The following CFAP58 variants were observed in gnomAD, a reference collection of about 807,000 sequenced individuals.
The protein encoded by CFAP58 is cilia- and flagella-associated protein 58.
A neutral mutation model predicts 119.5 loss-of-function variants in CFAP58; 88 were observed. That is an observed-to-expected ratio of 0.74 (90% CI 0.62 to 0.88). The LOEUF (loss-of-function observed/expected upper bound fraction) is 0.88, where lower values mean the gene tolerates loss of function less well. Ranked by LOEUF, CFAP58 falls within the 40% of genes least tolerant of loss-of-function variation. The pLI, the probability that CFAP58 is intolerant of heterozygous loss-of-function variation, is 0.00. For missense variants in CFAP58, 990 were observed against 1,021.2 expected, an observed-to-expected ratio of 0.97 and a Z score of 0.42; for synonymous variants, 365 against 366.3, an observed-to-expected ratio of 1.00 and a Z score of 0.04.
At chr10:104,375,357 C>A (rs2014878051) in intron 7 of CFAP58, among the ~76,000 whole-genome samples, 1 of 151,908 alleles carries the variant, frequency 6.6e-6, no homozygotes, top group African/African-American at 2.4e-5. Flanking sequence ...TTTTTCACTT[C>A]CGTTTATCTG....
intron 15 of CFAP58, among the ~76,000 whole-genome samples, chr10:104,436,190 G>T (rs552731622): frequency 6.6e-6 from 1 of 152,190 alleles, no homozygotes; most frequent in East Asian, 1.9e-4. Context: ...CTGCACATAT[G>T]TACATTTTAA....
In CFAP58 at chr10:104,454,524, G is replaced by A. The variant is rs370337063; in HGVS notation, c.2613G>A (p.Thr871=). 1.1e-5 allele frequency: 17 copies of A among 1,611,244 alleles called. No homozygotes were observed. Among genetic ancestry groups the A allele is most frequent in the South Asian group, 4.4e-5 (4 of 91,004 alleles). Residue 871 remains threonine (T), a synonymous_variant, in exon 18 of 18, where the codon ACG becomes ACA. Coordinates refer to ENST00000369704, the MANE Select transcript of CFAP58 (RefSeq NM_001008723.2). ...TTCCTCTCAGGTCAACCAAAATGAC[G>A]TTCTAACCTGAAGCTGCTGGCTGTT... ...GGFPLRSTKM[T]F is the part of the protein sequence containing the mutation.
chr10:104,374,453 G>GAAA (rs71022730), intron 7 of CFAP58, among the ~76,000 whole-genome samples: 4 of 30,694 alleles, frequency 1.3e-4, no homozygotes, highest in African/African-American at 2.3e-4. Flanking sequence ...CTTGTTTCAG[G>GAAA]AAAAAAAAAA....
chr10:104,347,106 C>T, the CFAP58 span, among the ~76,000 whole-genome samples: 1 of 152,128 alleles, frequency 6.6e-6, no homozygotes, highest in South Asian at 2.1e-4. Flanking sequence ...AAGAGAGCAG[C>T]TGCTTTTAAG....
At chr10:104,392,517 A>G in intron 10 of CFAP58, 123 bp downstream of exon 10, 2 of 644,014 alleles carry the variant, frequency 3.1e-6, no homozygotes, top group South Asian at 3.2e-5. Flanking sequence ...AATTCACCTG[A>G]AAAGATCAAT....
intron 15 of CFAP58, among the ~76,000 whole-genome samples, chr10:104,428,160 C>T (rs776257753): frequency 8.5e-5 from 13 of 152,112 alleles, no homozygotes; most frequent in African/African-American, 2.9e-4. Flanking sequence ...TGGTATCACA[C>T]AGGCCAAGGG....
At chr10:104,448,413 T>C (rs910915610) in intron 16 of CFAP58, among the ~76,000 whole-genome samples, 1 of 152,240 alleles carries the variant, frequency 6.6e-6, no homozygotes, top group Non-Finnish European at 1.5e-5. Flanking sequence ...TGTTTTACTT[T>C]TCTATGTGCC....
intron 1 of CFAP58, 132 bp downstream of exon 1, chr10:104,354,038 C>T (rs1009884284): frequency 4.4e-6 from 5 of 1,130,872 alleles, no homozygotes; most frequent in East Asian, 2.5e-5. Flanking sequence ...CACCCTCACT[C>T]ACTCCCGCGC....
At chr10:104,441,343 CATAGAGTTATTGCTAAATAA>C (rs1280070201) in intron 15 of CFAP58, among the ~76,000 whole-genome samples, 1 of 152,240 alleles carries the variant, frequency 6.6e-6, no homozygotes, top group East Asian at 1.9e-4. Flanking sequence ...CAGTCACACA[CATAGAGTTATTGCTAAATAA>C]ATACTTAGTT....
At chr10:104,348,565 C>G in the CFAP58 span, among the ~76,000 whole-genome samples, 2 of 152,160 alleles carry the variant, frequency 1.3e-5, no homozygotes, top group Non-Finnish European at 2.9e-5. Flanking sequence ...GGAGGCACTT[C>G]TCTTCTATCC....
chr10:104,452,687 AC>A (rs2013214344), intron 17 of CFAP58, among the ~76,000 whole-genome samples: 2 of 152,240 alleles, frequency 1.3e-5, no homozygotes, highest in Non-Finnish European at 2.9e-5. Context: ...CCTCAGTCTC[AC>A]TAGTCACATT....
At chr10:104,354,670 C>G (rs1042817573) in intron 1 of CFAP58, among the ~76,000 whole-genome samples, 1 of 152,162 alleles carries the variant, frequency 6.6e-6, no homozygotes, top group South Asian at 2.1e-4. Flanking sequence ...CCCCCATCAC[C>G]CATCCCACGG....
At chr10:104,415,934 C>T (rs532208647) in intron 15 of CFAP58, among the ~76,000 whole-genome samples, 1 of 152,300 alleles carries the variant, frequency 6.6e-6, no homozygotes, top group South Asian at 2.1e-4. Flanking sequence ...TGAGTGCTTA[C>T]TGTATGCTAG....
Position 104,365,950 on chromosome 10 carries a change from A to G in CFAP58, c.734A>G (p.Tyr245Cys). 1.2e-6 allele frequency: 2 copies of G among 1,613,272 alleles called. No homozygotes were observed. The highest frequency in any genetic ancestry group is 8.5e-7 in the Non-Finnish European group (1 of 1,179,554). The change falls in exon 5 of 18, where the codon TAT becomes TGT. Residue 245 changes from tyrosine to cysteine, a missense_variant. Coordinates refer to ENST00000369704, the MANE Select transcript of CFAP58 (RefSeq NM_001008723.2). ...RQTEIKALQQ[Y>C]VQKSKEELQK... ...ACAGAAATAAAAGCCCTGCAGCAGT[A>G]TGTGCAGAAGAGCAAGGAGGAGCTT...
intron 15 of CFAP58, among the ~76,000 whole-genome samples, chr10:104,411,399 A>G (rs1250973747): frequency 6.6e-6 from 1 of 152,058 alleles, no homozygotes. Flanking sequence ...CAATTAATTC[A>G]AAAATTTATT....
chr10:104,428,234 G>A (rs1052745853), intron 15 of CFAP58, among the ~76,000 whole-genome samples: 3 of 152,066 alleles, frequency 2.0e-5, no homozygotes, highest in Non-Finnish European at 2.9e-5. Flanking sequence ...AAGCATAACC[G>A]AGGGAAGCAT....
chr10:104,413,706 A>AGAT (rs2012497179), intron 15 of CFAP58, among the ~76,000 whole-genome samples: 1 of 143,760 alleles, frequency 7.0e-6, no homozygotes, highest in African/African-American at 2.8e-5. Flanking sequence ...GGGTATCATT[A>AGAT]CATCATCATC....
In CFAP58 at chr10:104,370,969, G is replaced by A. The variant is rs2014815351; in HGVS notation, c.1005G>A (p.Lys335=). The change falls in exon 7 of 18, where the codon AAG becomes AAA. Residue 335 remains lysine, a synonymous_variant. Coordinates refer to ENST00000369704, the MANE Select transcript of CFAP58 (RefSeq NM_001008723.2). ...ACAAAATCAGAGAACAAATTCATAA[G>A]AAATTGCACCACACCGAAGATCAAA... The part of the protein sequence containing the change: ...KLNKIREQIH[K]KLHHTEDQKA... 4 of 1,613,442 alleles carry A rather than the reference G, an allele frequency of 2.5e-6. No homozygotes were observed. The African/African-American group carries it at 5.3e-5, about 22-fold the overall frequency.
chr10:104,382,182 A>G (rs1253480911), intron 9 of CFAP58: 15 of 717,112 alleles, frequency 2.1e-5, no homozygotes, highest in Non-Finnish European at 3.9e-5. Context: ...GAAACAGTGG[A>G]CCCTCAGGGA....
Sources: allele counts gnomAD v4.1 joint callset (sites outside exome capture counted in the v4.1 genomes callset), GRCh38; gene constraint gnomAD v4.1.1; transcripts MANE v1.5; gene names NCBI Gene and HGNC (gene_info 2026-07-23, HGNC 2026-07-21).